The following INPP4B variants were observed in gnomAD, a reference collection of about 807,000 sequenced individuals.
The protein encoded by INPP4B is inositol polyphosphate-4-phosphatase type II B.
INPP4B carries 55 observed loss-of-function variants against 122.5 expected under a neutral mutation model. The observed-to-expected ratio is 0.45, with a 90% CI of 0.36 to 0.56. The LOEUF is 0.56. Among genes scored for constraint, INPP4B ranks in the 20% least tolerant of loss-of-function variants. INPP4B has a pLI of 0.00. For synonymous variants in INPP4B, 403 were observed against 388.7 expected (o/e 1.04, Z -0.43); for missense variants, 1,000 against 1,097.7 (o/e 0.91, Z 1.26).
intron 2 of INPP4B, among the ~76,000 whole-genome samples, chr4:142,563,911 C>A (rs1287482309): frequency 1.3e-5 from 2 of 152,122 alleles, no homozygotes; most frequent in Non-Finnish European, 2.9e-5. Context: ...TTTCACTGAC[C>A]AGCAGCTGCC....
chr4:142,032,648 G>A (rs940025639), intron 25 of INPP4B, among the ~76,000 whole-genome samples: 3 of 152,148 alleles, frequency 2.0e-5, no homozygotes, highest in South Asian at 2.1e-4. Context: ...CACAGACTCC[G>A]GAGTCAGACC....
intron 1 of INPP4B, among the ~76,000 whole-genome samples, chr4:142,805,260 T>C (rs1171805967): frequency 1.3e-5 from 2 of 152,222 alleles, no homozygotes; most frequent in Admixed American, 6.5e-5. Context: ...GACATTCCAC[T>C]ACAGAAGTTA....
chr4:142,512,599 T>C (rs1053496090), intron 2 of INPP4B, among the ~76,000 whole-genome samples: 2 of 152,182 alleles, frequency 1.3e-5, no homozygotes, highest in African/African-American at 4.8e-5. Flanking sequence ...AGACGATTCT[T>C]ATATCCCCAC....
At chr4:142,670,441 A>G (rs973906183) in intron 2 of INPP4B, among the ~76,000 whole-genome samples, 2 of 152,242 alleles carry the variant, frequency 1.3e-5, no homozygotes, top group African/African-American at 4.8e-5. Flanking sequence ...ATGTGGTATT[A>G]TACACAATGA....
intron 7 of INPP4B, among the ~76,000 whole-genome samples, chr4:142,378,434 T>C (rs541433283): frequency 6.6e-6 from 1 of 152,290 alleles, no homozygotes; most frequent in South Asian, 2.1e-4. Flanking sequence ...TAATAGCTCA[T>C]ATCCAGTTTG....
At chr4:142,377,447 C>T (rs375077485) in intron 7 of INPP4B, among the ~76,000 whole-genome samples, 22 of 152,046 alleles carry the variant, frequency 1.4e-4, no homozygotes, top group South Asian at 6.2e-4. Context: ...AACTGGATGA[C>T]GACTCAGAGT....
At chr4:142,619,785 C>A (rs944220026) in intron 2 of INPP4B, among the ~76,000 whole-genome samples, 7 of 151,848 alleles carry the variant, frequency 4.6e-5, no homozygotes, top group Admixed American at 2.0e-4. Context: ...AGGAATACCC[C>A]CCAAAAGGAG....
intron 21 of INPP4B, among the ~76,000 whole-genome samples, chr4:142,116,783 C>T (rs1793735912): frequency 6.6e-6 from 1 of 152,018 alleles, no homozygotes; most frequent in Admixed American, 6.6e-5. Context: ...CATTCAAAAG[C>T]TAGCAGAAGG....
At chr4:142,524,729 G>A (rs1296028234) in intron 2 of INPP4B, among the ~76,000 whole-genome samples, 1 of 152,104 alleles carries the variant, frequency 6.6e-6, no homozygotes, top group Non-Finnish European at 1.5e-5. Context: ...GTATTGACGG[G>A]ACGTATTTCA....
intron 17 of INPP4B, among the ~76,000 whole-genome samples, chr4:142,149,084 T>A (rs1016323017): frequency 6.6e-6 from 1 of 152,230 alleles, no homozygotes; most frequent in Non-Finnish European, 1.5e-5. Flanking sequence ...TTCTCTTTTA[T>A]GGCCTTTACT....
intron 25 of INPP4B, among the ~76,000 whole-genome samples, chr4:142,062,273 C>T (rs1761345162): frequency 6.6e-6 from 1 of 151,840 alleles, no homozygotes; most frequent in Admixed American, 6.6e-5. Context: ...ACATCATCAT[C>T]ACAGCACCAC....
intron 2 of INPP4B, among the ~76,000 whole-genome samples, chr4:142,670,394 G>A (rs974479984): frequency 6.6e-6 from 1 of 152,054 alleles, no homozygotes; most frequent in Non-Finnish European, 1.5e-5. Flanking sequence ...ATCAACCTAA[G>A]CAAATGTCCA....
At chr4:142,576,168 A>G (rs984942546) in intron 2 of INPP4B, among the ~76,000 whole-genome samples, 1 of 151,982 alleles carries the variant, frequency 6.6e-6, no homozygotes, top group African/African-American at 2.4e-5. Context: ...AAATATTTAC[A>G]TGATGCTGGG....
chr4:142,246,313 T>C (rs904021991), intron 11 of INPP4B, among the ~76,000 whole-genome samples: 1 of 152,086 alleles, frequency 6.6e-6, no homozygotes, highest in Non-Finnish European at 1.5e-5. Flanking sequence ...TTTAAAGTAG[T>C]TTTTTCTATT....
At chr4:142,606,947 C>A in intron 2 of INPP4B, among the ~76,000 whole-genome samples, 1 of 151,936 alleles carries the variant, frequency 6.6e-6, no homozygotes, top group East Asian at 1.9e-4. Flanking sequence ...AATGCATAAT[C>A]ATTATAGAAT....
chr4:142,728,373 A>G lies in INPP4B; in HGVS notation c.-253-2472T>C, dbSNP rs147263035. On this transcript the variant is annotated intron_variant, in intron 1 of 25. Coordinates refer to ENST00000262992, the MANE Select transcript of INPP4B (RefSeq NM_001101669.3). ...ATCCCTAACTCCAGGTGCAGGCATC[A>G]AGTAGACCAACATCTGCATAACATC... 7.0e-4 allele frequency among the ~76,000 whole-genome samples: 106 copies of G among 152,338 alleles called. No homozygotes were observed. In the East Asian group the frequency reaches 0.016, roughly 23 times the overall value.
rs1251247244 is a variant in INPP4B at position 142,828,284 on chromosome 4, T to G, written c.-254+17925A>C. On this transcript the variant is annotated intron_variant, in intron 1 of 25. Transcript: ENST00000262992. ...ATTAAGGCCTTAAATCTATGTTATG[T>G]GGGGTGGATGACCTGAGCCCCATAT... Among the ~76,000 whole-genome samples the G allele has an allele frequency of 2.6e-5, 4 of 152,220 alleles. No homozygotes were observed. The East Asian group carries it at 7.7e-4, about 29-fold the overall frequency.
At chr4:142,772,514 G>A (rs1457999780) in intron 1 of INPP4B, among the ~76,000 whole-genome samples, 1 of 152,120 alleles carries the variant, frequency 6.6e-6, no homozygotes, top group Non-Finnish European at 1.5e-5. Context: ...GTAGATGGAA[G>A]AAAAGGGAAG....
intron 2 of INPP4B, among the ~76,000 whole-genome samples, chr4:142,654,138 CAT>C (rs939689592): frequency 2.0e-5 from 3 of 152,072 alleles, no homozygotes; most frequent in African/African-American, 4.8e-5. Flanking sequence ...CCAAACACCA[CAT>C]GTTCTCACTC....
Sources: gnomAD v4.1 joint callset for allele counts (sites outside exome capture counted in the v4.1 genomes callset) on GRCh38, gnomAD v4.1.1 for gene constraint, MANE v1.5 for transcripts, NCBI Gene and HGNC (gene_info 2026-07-23, HGNC 2026-07-21) for gene names.